The following FLT1 variants were observed in gnomAD, a reference collection of about 807,000 sequenced individuals.
FLT1 encodes fms related receptor tyrosine kinase 1.
Under a neutral mutation model 156.3 loss-of-function variants are expected in FLT1, and 49 were observed. The ratio of observed to expected loss-of-function variants is 0.31; its 90% CI spans 0.25 to 0.40. The LOEUF (loss-of-function observed/expected upper bound fraction) is 0.40, where lower values mean the gene tolerates loss of function less well. FLT1 is among the 10% of genes least tolerant of loss of function. FLT1 has a pLI of 1.00. For missense variants in FLT1, 1,322 were observed against 1,637.2 expected (o/e 0.81, Z 3.32); for synonymous variants, 594 against 583.8 (o/e 1.02, Z -0.25).
intron 3 of FLT1, among the ~76,000 whole-genome samples, chr13:28,440,954 C>G (rs1878304307): frequency 6.6e-6 from 1 of 152,060 alleles, no homozygotes; most frequent in Non-Finnish European, 1.5e-5. Context: ...AGGTGACCAT[C>G]AGGTGATGGT....
Position 28,321,702 on chromosome 13 carries a change from C to T in FLT1, c.3052-117G>A, listed in dbSNP as rs1871469236. The T allele has an allele frequency of 6.9e-6, 7 of 1,014,126 alleles. No homozygotes were observed. The Admixed American group carries it at 1.1e-4, about 16-fold the overall frequency. 62.8% of individuals were successfully genotyped at this position (1,014,126 alleles called of 1,614,324 possible). ...TCCATTTCACATGCTGTGAAGGGAG[C>T]ACCTCTCGGTGCACACAGAGTTACC... On this transcript the variant is annotated intron_variant, in intron 22 of 29. Coordinates refer to ENST00000282397, the MANE Select transcript of FLT1 (RefSeq NM_002019.4).
In FLT1 at chr13:28,300,471, CTT is replaced by C. The variant is rs1222236852; in HGVS notation, c.*2694_*2695del. 1 of 232,432 alleles carries C rather than the reference CTT, an allele frequency of 4.3e-6. No individual in the cohort carries two copies. Among genetic ancestry groups the C allele is most frequent in the Non-Finnish European group, 8.5e-6 (1 of 117,846 alleles). 14.4% of individuals were successfully genotyped at this position (232,432 alleles called of 1,614,324 possible). A position where few individuals can be genotyped will look rare whatever the true frequency, so the allele number is the denominator to read the frequency against. ...ATATTCTTGGTTTGTATAAAAGTAA[CTT>C]TAAAATTCCAGTTTCCTTAAATAGT... is the stretch of plus-strand genomic sequence containing the variant. On this transcript the variant is annotated 3_prime_UTR_variant, in exon 30 of 30. Transcript: ENST00000282397.
At chr13:28,356,528 A>G (rs1872904953) in intron 15 of FLT1, among the ~76,000 whole-genome samples, 2 of 152,216 alleles carry the variant, frequency 1.3e-5, no homozygotes, top group African/African-American at 2.4e-5. Flanking sequence ...AATTTGTGGT[A>G]GAGTAGTTTC....
chr13:28,494,953 G>T lies in FLT1; in HGVS notation c.-110C>A. 1 of 795,958 alleles carries T rather than the reference G, an allele frequency of 1.3e-6. No homozygotes were observed. Among genetic ancestry groups the T allele is most frequent in the South Asian group, 2.1e-5 (1 of 46,894 alleles). 49.3% of individuals were successfully genotyped at this position (795,958 alleles called of 1,614,324 possible). ...CCGCCGCCGGCCCCGCGCCCTGAGC[G>T]CCCGTCTCGCGGCTCCAGCCAGGAG... On this transcript the variant is annotated 5_prime_UTR_variant, in exon 1 of 30. Coordinates refer to ENST00000282397, the MANE Select transcript of FLT1 (RefSeq NM_002019.4).
intron 6 of FLT1, among the ~76,000 whole-genome samples, chr13:28,432,905 T>A (rs1231177739): frequency 6.6e-6 from 1 of 152,216 alleles, no homozygotes; most frequent in Non-Finnish European, 1.5e-5. Flanking sequence ...ATACCTCTCC[T>A]AGAGAATAGT....
intron 4 of FLT1, among the ~76,000 whole-genome samples, chr13:28,435,420 C>T (rs1877967990): frequency 6.6e-6 from 1 of 152,146 alleles, no homozygotes; most frequent in Non-Finnish European, 1.5e-5. Flanking sequence ...GCCAAATTCC[C>T]CTGATGCCAG....
At chr13:28,367,100 G>A (rs1873327914) in intron 14 of FLT1, among the ~76,000 whole-genome samples, 1 of 152,142 alleles carries the variant, frequency 6.6e-6, no homozygotes, top group Non-Finnish European at 1.5e-5. Context: ...AGTTATTAGT[G>A]CTAACTCCCT....
At chr13:28,416,205 A>G (rs1470900106) in intron 10 of FLT1, among the ~76,000 whole-genome samples, 2 of 152,220 alleles carry the variant, frequency 1.3e-5, no homozygotes, top group Non-Finnish European at 2.9e-5. Context: ...TTTGCCCAGA[A>G]TCATACAGCC....
rs1870523733 is a variant in FLT1 at position 28,301,698 on chromosome 13, A to C, written c.*1469T>G. The C allele has an allele frequency of 1.3e-5, 3 of 233,268 alleles. No individual in the cohort carries two copies. Among genetic ancestry groups the C allele is most frequent in the African/African-American group, 2.2e-5 (1 of 45,338 alleles). The allele number at this position is 233,268 out of a possible 1,614,324, so 14.4% of individuals were successfully genotyped here. A position where few individuals can be genotyped will look rare whatever the true frequency, so the allele number is the denominator to read the frequency against. On this transcript the variant is annotated 3_prime_UTR_variant, in exon 30 of 30. Transcript: ENST00000282397. ...TGCATAAATAGCATCAAACAGAGCCAGCTTAGCGATCCAAGGCCCACTTGA... is the reference window on the plus strand; with the variant it reads ...TGCATAAATAGCATCAAACAGAGCCCGCTTAGCGATCCAAGGCCCACTTGA...
chr13:28,457,164 A>G (rs1879314632), intron 3 of FLT1, among the ~76,000 whole-genome samples: 1 of 147,222 alleles, frequency 6.8e-6, no homozygotes, highest in South Asian at 2.1e-4. Context: ...TGCTCTAGGA[A>G]AAAAAAAAAT....
intron 24 of FLT1, 32 bp downstream of exon 24, chr13:28,319,391 G>T (rs2138826251): frequency 1.5e-6 from 2 of 1,334,386 alleles, no homozygotes; most frequent in Non-Finnish European, 2.2e-6. Flanking sequence ...TTATTTCTGG[G>T]CTGTTTGATT....
intron 15 of FLT1, among the ~76,000 whole-genome samples, chr13:28,348,903 C>T (rs564906276): frequency 1.8e-4 from 27 of 147,186 alleles, no homozygotes; most frequent in Non-Finnish European, 2.8e-4. Flanking sequence ...AGCTACAGAG[C>T]GAGACTCCGT....
chr13:28,375,505 C>A (rs1358875699), intron 14 of FLT1, among the ~76,000 whole-genome samples: 2 of 152,122 alleles, frequency 1.3e-5, no homozygotes, highest in East Asian at 3.8e-4. Context: ...CATGCTGTTA[C>A]CCCACTACCT....
chr13:28,398,991 A>G, intron 11 of FLT1: 1 of 1,255,950 alleles, frequency 8.0e-7, no homozygotes, highest in Non-Finnish European at 1.1e-6. Flanking sequence ...GGTGGGACAT[A>G]AAAAATTCTG....
intron 10 of FLT1, among the ~76,000 whole-genome samples, chr13:28,412,932 G>A (rs981694640): frequency 2.6e-5 from 4 of 152,042 alleles, no homozygotes; most frequent in Admixed American, 2.6e-4. Context: ...GCATTGGAAG[G>A]AGTGTTTAGA....
chr13:28,322,956 G>A lies in FLT1; in HGVS notation c.2797-10C>T. 1 of 1,614,050 alleles carries A rather than the reference G, an allele frequency of 6.2e-7. No homozygotes were observed. Among genetic ancestry groups the A allele is most frequent in the Non-Finnish European group, 8.5e-7 (1 of 1,180,004 alleles). The stretch of plus-strand genomic sequence containing the variant: ...TGTGTAGTGCTGCATCCTTTGAAGA[G>A]ACCGAAAAGGACCCAGGTGAAAAGG... On this transcript the variant is annotated splice_polypyrimidine_tract_variant and intron_variant, in intron 20 of 29. Coordinates refer to ENST00000282397, the MANE Select transcript of FLT1 (RefSeq NM_002019.4). This position sits in a 1 kb window ranked among gnomAD's most constrained non-coding sequence, Gnocchi z 4.3.
At chr13:28,408,462 G>C (rs1040140525) in intron 10 of FLT1, among the ~76,000 whole-genome samples, 3 of 152,166 alleles carry the variant, frequency 2.0e-5, no homozygotes, top group African/African-American at 7.2e-5. Flanking sequence ...TGTAATTGGG[G>C]CTATAAAAAT....
At chr13:28,378,916 T>C (rs1470300365) in intron 14 of FLT1, among the ~76,000 whole-genome samples, 1 of 152,170 alleles carries the variant, frequency 6.6e-6, no homozygotes, top group African/African-American at 2.4e-5. Context: ...TAAGATATTA[T>C]AAAATAAACA....
At chr13:28,433,728 T>C (rs1877842855) in intron 6 of FLT1, 91 bp downstream of exon 6, 3 of 1,237,388 alleles carry the variant, frequency 2.4e-6, no homozygotes, top group Non-Finnish European at 3.6e-6. Flanking sequence ...GGAGTCAGGA[T>C]TTTCTGATTT....
Sources: allele counts gnomAD v4.1 joint callset (sites outside exome capture counted in the v4.1 genomes callset), GRCh38; gene constraint gnomAD v4.1.1; non-coding constraint Gnocchi (gnomAD v3.1); transcripts MANE v1.5; gene names NCBI Gene and HGNC (gene_info 2026-07-23, HGNC 2026-07-21).